CYP2C19: variants seen among roughly 807,000 people sequenced by gnomAD.
CYP2C19 encodes cytochrome P450 2C19.
In CYP2C19, 59 loss-of-function variants were observed where a neutral mutation model predicts 40.9. The observed-to-expected ratio is 1.44, with a 90% CI of 1.17 to 1.79. CYP2C19 has a LOEUF of 1.79. Ranked by LOEUF, CYP2C19 falls within the 40% of genes most tolerant of loss-of-function variation. The probability of loss-of-function intolerance (pLI) is 0.00; values close to 1 mark genes in which losing one functional copy is unlikely to be tolerated. For synonymous variants in CYP2C19, 253 were observed against 208.7 expected, an observed-to-expected ratio of 1.21 and a Z score of -1.83; for missense variants, 754 against 596.9, an observed-to-expected ratio of 1.26 and a Z score of -2.74.
At chr10:94,796,020 A>T (rs1334072047) in intron 5 of CYP2C19, among the ~76,000 whole-genome samples, 1 of 152,056 alleles carries the variant, frequency 6.6e-6, no homozygotes, top group South Asian at 2.1e-4. Context: ...CCATTTGTCA[A>T]TTTTGGCTTT....
Position 94,799,051 on chromosome 10 carries a change from T to G in CYP2C19, c.819+17054T>G, listed in dbSNP as rs375421787. The stretch of plus-strand genomic sequence containing the variant: ...AGAATTTGATCCTGTCATTGTGAAG[T>G]AGCTTGTTATTTTGCCTGTTAGTTG... On this transcript the variant is annotated intron_variant, in intron 5 of 8. Transcript: ENST00000371321. 3.9e-5 allele frequency among the ~76,000 whole-genome samples: 6 copies of G among 151,982 alleles called. No homozygotes were observed. The South Asian group carries it at 1.2e-3, about 32-fold the overall frequency.
rs1187954902 is a variant in CYP2C19, at chr10:94,852,753, G to T, written c.1312G>T (p.Glu438Ter). Residue 438 changes from glutamate to a stop codon, truncating the protein, a stop_gained, in exon 9 of 9, where the codon GAG becomes TAG. Transcript: ENST00000371321. LOFTEE classifies it low-confidence loss of function (END_TRUNC). ...FSAGKRICVG[E>*]GLARMELFLF... ...TTCAGGAAAACGGATTTGTGTGGGAGAGGGCCTGGCCCGCATGGAGCTGTT... is the reference window on the plus strand; with the variant it reads ...TTCAGGAAAACGGATTTGTGTGGGATAGGGCCTGGCCCGCATGGAGCTGTT... 1 of 1,613,996 alleles carries T rather than the reference G, an allele frequency of 6.2e-7. No homozygotes were observed. The highest frequency in any genetic ancestry group is 8.5e-7 in the Non-Finnish European group (1 of 1,179,944).
chr10:94,817,882 G>A (rs1274945494), intron 5 of CYP2C19, among the ~76,000 whole-genome samples: 6 of 151,374 alleles, frequency 4.0e-5, no homozygotes, highest in South Asian at 2.1e-4. Flanking sequence ...GCGTAGTGGC[G>A]GGCACCTGTA....
intron 5 of CYP2C19, among the ~76,000 whole-genome samples, chr10:94,794,095 A>G (rs910535506): frequency 1.2e-4 from 18 of 152,012 alleles, no homozygotes; most frequent in African/African-American, 3.4e-4. Flanking sequence ...GCCACCTTGC[A>G]TTTTGATCTC....
intron 1 of CYP2C19, among the ~76,000 whole-genome samples, chr10:94,763,128 G>A (rs953419824): frequency 6.6e-6 from 1 of 152,148 alleles, no homozygotes; most frequent in African/African-American, 2.4e-5. Context: ...TTGAAATGTT[G>A]TGTTCCTTCT....
chr10:94,767,687 G>A (rs943101353), intron 1 of CYP2C19, among the ~76,000 whole-genome samples: 5 of 152,148 alleles, frequency 3.3e-5, no homozygotes, highest in Non-Finnish European at 1.5e-5. Flanking sequence ...TAGGGATTTG[G>A]CCATTTGATG....
intron 5 of CYP2C19, among the ~76,000 whole-genome samples, chr10:94,813,828 G>A (rs955033104): frequency 1.3e-5 from 2 of 151,348 alleles, no homozygotes; most frequent in African/African-American, 4.9e-5. Context: ...GCACCACTGG[G>A]GCATAAAAAA....
intron 3 of CYP2C19, among the ~76,000 whole-genome samples, chr10:94,777,378 A>T (rs866333022): frequency 1.3e-5 from 2 of 152,220 alleles, no homozygotes; most frequent in African/African-American, 4.8e-5. Flanking sequence ...AGCTGGAGGC[A>T]TCATGCTACC....
At chr10:94,767,578 C>A (rs1209918081) in intron 1 of CYP2C19, among the ~76,000 whole-genome samples, 2 of 152,166 alleles carry the variant, frequency 1.3e-5, no homozygotes, top group Admixed American at 6.5e-5. Context: ...TTGTTCCCCC[C>A]AAAGGGGCCC....
chr10:94,842,393 GT>G (rs57865512), intron 6 of CYP2C19, among the ~76,000 whole-genome samples: 50,565 of 86,512 alleles, frequency 0.58, 13,048 homozygotes, highest in Middle Eastern at 0.69. Flanking sequence ...TTTAAGTGAA[GT>G]TTTTTTTTTT....
chr10:94,806,779 A>G (rs918243150), intron 5 of CYP2C19, among the ~76,000 whole-genome samples: 4 of 150,704 alleles, frequency 2.7e-5, no homozygotes, highest in African/African-American at 9.7e-5. Context: ...GGGCACAATA[A>G]TTGTACATAT....
chr10:94,816,945 A>C (rs1013230967), intron 5 of CYP2C19, among the ~76,000 whole-genome samples: 1 of 130,028 alleles, frequency 7.7e-6, no homozygotes, highest in African/African-American at 2.8e-5. Flanking sequence ...TCCATGGTGT[A>C]TATGTGCCAC....
In CYP2C19 at chr10:94,820,368, A is replaced by T. The variant is rs942659575; in HGVS notation, c.820-128A>T. 2.3e-5 allele frequency: 25 copies of T among 1,090,582 alleles called. No individual in the cohort carries two copies. In the African/African-American group the frequency reaches 3.9e-4, roughly 17 times the overall value. 67.6% of individuals were successfully genotyped at this position (1,090,582 alleles called of 1,614,324 possible). A position where few individuals can be genotyped will look rare whatever the true frequency, so the allele number is the denominator to read the frequency against. On this transcript the variant is annotated intron_variant, in intron 5 of 8. Coordinates refer to ENST00000371321, the MANE Select transcript of CYP2C19 (RefSeq NM_000769.4). Reference sequence around the variant, plus strand: ...CCCTCTCTCACCGCTCCTATTCAATATTTTTTTCTAGTACTATACTTTACA... The same window carrying T: ...CCCTCTCTCACCGCTCCTATTCAATTTTTTTTTCTAGTACTATACTTTACA...
rs770518818 is a variant in CYP2C19, at chr10:94,850,076, C to T, written c.1291+18C>T. On this transcript the variant is annotated intron_variant, in intron 8 of 8. Transcript: ENST00000371321. Reference sequence around the variant, plus strand: ...CTCAGCAGGTAATATAAATTTATTTCCCTTTGTGTTTCAGGGTACAAGATA... The same window carrying T: ...CTCAGCAGGTAATATAAATTTATTTTCCTTTGTGTTTCAGGGTACAAGATA... 1.2e-6 allele frequency: 2 copies of T among 1,612,826 alleles called. No individual in the cohort carries two copies. The highest frequency in any genetic ancestry group is 1.7e-4 in the Middle Eastern group (1 of 6,044).
chr10:94,853,760 A>G lies in CYP2C19; in HGVS notation c.*846A>G, dbSNP rs1849692002. 6.6e-6 allele frequency among the ~76,000 whole-genome samples: 1 copy of G among 151,864 alleles called. No homozygotes were observed. The highest frequency in any genetic ancestry group is 2.4e-5 in the African/African-American group (1 of 41,378). ...ACAGGGTTTCACCATGTTAGCCAGG[A>G]TGATCTCAATCTGCTGACCTCCTGA... On this transcript the variant is annotated 3_prime_UTR_variant, in exon 9 of 9. Coordinates refer to ENST00000371321, the MANE Select transcript of CYP2C19 (RefSeq NM_000769.4).
chr10:94,784,173 G>A (rs2134241820), intron 5 of CYP2C19, among the ~76,000 whole-genome samples: 1 of 152,176 alleles, frequency 6.6e-6, no homozygotes, highest in South Asian at 2.1e-4. Context: ...TTATTTCTGG[G>A]TCCTTACACT....
chr10:94,796,554 G>A (rs1848690926), intron 5 of CYP2C19, among the ~76,000 whole-genome samples: 1 of 152,048 alleles, frequency 6.6e-6, no homozygotes, highest in Non-Finnish European at 1.5e-5. Flanking sequence ...ATCTTGATGG[G>A]GATGGCATTG....
At chr10:94,767,490 C>T (rs1336111554) in intron 1 of CYP2C19, among the ~76,000 whole-genome samples, 1 of 152,172 alleles carries the variant, frequency 6.6e-6, no homozygotes, top group Non-Finnish European at 1.5e-5. Context: ...CACAGACCAA[C>T]AAGTATTGAA....
intron 5 of CYP2C19, among the ~76,000 whole-genome samples, chr10:94,804,329 AGGT>A (rs1014722694): frequency 2.0e-5 from 3 of 152,182 alleles, no homozygotes; most frequent in African/African-American, 7.2e-5. Context: ...CCCACTGCTA[AGGT>A]GCTTTCCACA....
Sources: allele counts gnomAD v4.1 joint callset (sites outside exome capture counted in the v4.1 genomes callset), GRCh38; gene constraint gnomAD v4.1.1; transcripts MANE v1.5; gene names NCBI Gene and HGNC (gene_info 2026-07-23, HGNC 2026-07-21).